FGGY: variants seen among roughly 807,000 people sequenced by gnomAD.
The protein encoded by FGGY is FGGY carbohydrate kinase domain-containing protein.
FGGY carries 72 observed loss-of-function variants against 71.3 expected under a neutral mutation model. The ratio of observed to expected loss-of-function variants is 1.01; its 90% confidence interval spans 0.84 to 1.23. FGGY has a LOEUF of 1.23. Ranked by LOEUF, FGGY falls within the 50% of genes most tolerant of loss-of-function variation. The pLI, the probability that FGGY is intolerant of heterozygous loss-of-function variation, is 0.00. For synonymous variants in FGGY, 251 were observed against 250.3 expected, an observed-to-expected ratio of 1.00 and a Z score of -0.02; for missense variants, 668 against 682.3, an observed-to-expected ratio of 0.98 and a Z score of 0.23.
At chr1:59,560,768 T>C (rs1430365814) in intron 8 of FGGY, among the ~76,000 whole-genome samples, 1 of 152,098 alleles carries the variant, frequency 6.6e-6, no homozygotes, top group Non-Finnish European at 1.5e-5. Flanking sequence ...TGGTAACTAC[T>C]ATAGTTAATG....
chr1:59,550,979 TA>T (rs1425882518), intron 7 of FGGY, among the ~76,000 whole-genome samples: 3 of 152,150 alleles, frequency 2.0e-5, no homozygotes, highest in African/African-American at 7.2e-5. Context: ...TTGCAAAGAT[TA>T]AATGAGAGAA....
chr1:59,296,546 C>T (rs942214727), upstream of FGGY: 2 of 152,500 alleles, frequency 1.3e-5, no homozygotes, highest in African/African-American at 4.8e-5. Context: ...CTTGCCCAGC[C>T]CTGCCCGCGG....
At chr1:59,542,061 C>T (rs1290863856) in intron 7 of FGGY, among the ~76,000 whole-genome samples, 2 of 152,186 alleles carry the variant, frequency 1.3e-5, no homozygotes, top group Admixed American at 1.3e-4. Context: ...TGAGAGTCAG[C>T]AGCCACAGCC....
chr1:59,482,128 G>A (rs1025574397), intron 6 of FGGY, among the ~76,000 whole-genome samples: 4 of 152,102 alleles, frequency 2.6e-5, no homozygotes, highest in African/African-American at 9.7e-5. Flanking sequence ...GGTATACTAA[G>A]CTATTCTGAA....
intron 11 of FGGY, among the ~76,000 whole-genome samples, chr1:59,647,945 G>C (rs1487357126): frequency 7.6e-5 from 7 of 92,144 alleles, no homozygotes; most frequent in Admixed American, 6.4e-4. Context: ...TCCCCTTCCT[G>C]TGTCCATGTG....
intron 6 of FGGY, among the ~76,000 whole-genome samples, chr1:59,481,807 A>G (rs995455543): frequency 1.3e-5 from 2 of 152,136 alleles, no homozygotes; most frequent in East Asian, 3.9e-4. Context: ...TAAGACAGAG[A>G]CTTTCTAAGG....
At chr1:59,735,142 C>T (rs1254963765) in intron 14 of FGGY, among the ~76,000 whole-genome samples, 4 of 152,098 alleles carry the variant, frequency 2.6e-5, no homozygotes, top group Non-Finnish European at 4.4e-5. Flanking sequence ...CACAGTGATT[C>T]GAGAACGTTC....
At chr1:59,459,571 T>TA in intron 6 of FGGY, among the ~76,000 whole-genome samples, 1 of 152,342 alleles carries the variant, frequency 6.6e-6, no homozygotes, top group Non-Finnish European at 1.5e-5. Flanking sequence ...GACAAAATGA[T>TA]CTGTGTTCAA....
At chr1:59,677,964 T>C (rs1442540576) in intron 14 of FGGY, among the ~76,000 whole-genome samples, 1 of 152,164 alleles carries the variant, frequency 6.6e-6, no homozygotes, top group African/African-American at 2.4e-5. Context: ...GATACTGACA[T>C]AGCCATTCGT....
intron 7 of FGGY, among the ~76,000 whole-genome samples, chr1:59,537,596 A>G (rs1435000957): frequency 2.6e-5 from 4 of 152,238 alleles, no homozygotes; most frequent in African/African-American, 9.6e-5. Context: ...ACTTCAAGCT[A>G]TACTACAAGG....
intron 1 of FGGY, among the ~76,000 whole-genome samples, chr1:59,303,174 A>G (rs1025267161): frequency 2.0e-5 from 3 of 152,248 alleles, no homozygotes; most frequent in African/African-American, 4.8e-5. Flanking sequence ...TTAAGTATAC[A>G]GTAAATTATC....
chr1:59,502,882 G>C (rs982338280), intron 6 of FGGY, among the ~76,000 whole-genome samples: 2 of 152,224 alleles, frequency 1.3e-5, no homozygotes, highest in African/African-American at 4.8e-5. Context: ...TCAGAGGAGA[G>C]GACTGGAAGA....
intron 8 of FGGY, among the ~76,000 whole-genome samples, chr1:59,604,144 C>A (rs1481389397): frequency 6.6e-6 from 1 of 152,198 alleles, no homozygotes; most frequent in Non-Finnish European, 1.5e-5. Context: ...TGCATGGACA[C>A]CTGTCATCAA....
chr1:59,699,165 G>A lies in FGGY; in HGVS notation c.1512+25032G>A, dbSNP rs565582565. 6.1e-6 allele frequency: 6 copies of A among 985,332 alleles called. 1 individual carries two copies. The Admixed American group carries it at 2.5e-4, about 40-fold the overall frequency. 61.0% of individuals were successfully genotyped at this position (985,332 alleles called of 1,614,324 possible). On this transcript the variant is annotated intron_variant, in intron 14 of 15. Transcript: ENST00000303721. ...ATACCACAAACTTTTAGTATCGTGA[G>A]CTTCAGCTGAGTCCCTCAGTGTAAA...
chr1:59,635,128 A>G (rs2096944142), intron 10 of FGGY, among the ~76,000 whole-genome samples: 1 of 152,210 alleles, frequency 6.6e-6, no homozygotes, highest in Non-Finnish European at 1.5e-5. Flanking sequence ...TCAGAACCAA[A>G]AAAGGCATCA....
rs1363111885 is a variant in FGGY at position 59,346,345 on chromosome 1, G to C, written c.412G>C (p.Gly138Arg). Reference sequence around the variant, plus strand: ...CAAGCACAGTGTCCTCCAGTACGTCGGGGGGGTGATGTCTGTGGAAATGCA... The same window carrying C: ...CAAGCACAGTGTCCTCCAGTACGTCCGGGGGGTGATGTCTGTGGAAATGCA... ...ETKHSVLQYV[G>R]GVMSVEMQAP... Residue 138 changes from glycine to arginine, a missense_variant, in exon 4 of 16, where the codon GGG (glycine) becomes CGG (arginine). By Grantham distance (125) the Gly-to-Arg change is moderately radical (BLOSUM62 -2). Coordinates refer to ENST00000303721, the MANE Select transcript of FGGY (RefSeq NM_018291.5). The C allele has an allele frequency of 6.2e-7, 1 of 1,609,992 alleles. No individual in the cohort carries two copies. Among genetic ancestry groups the C allele is most frequent in the South Asian group, 1.1e-5 (1 of 90,868 alleles).
intron 6 of FGGY, among the ~76,000 whole-genome samples, chr1:59,501,367 T>A (rs1440942331): frequency 6.6e-6 from 1 of 152,156 alleles, no homozygotes; most frequent in Non-Finnish European, 1.5e-5. Flanking sequence ...GGATAAAAAA[T>A]TGAGAAACCT....
At chr1:59,697,019 A>G (rs10749718) in intron 14 of FGGY, among the ~76,000 whole-genome samples, 125,855 of 151,914 alleles carry the variant, frequency 0.83, 52,465 homozygotes, top group Non-Finnish European at 0.88. Context: ...CTCCAGATGT[A>G]CTGCTTTCCA....
intron 8 of FGGY, among the ~76,000 whole-genome samples, chr1:59,594,166 A>G (rs1571856528): frequency 1.3e-5 from 2 of 152,104 alleles, no homozygotes; most frequent in South Asian, 4.1e-4. Context: ...TTCCACCTGC[A>G]CCTGCTGCGT....
Sources: allele counts gnomAD v4.1 joint callset (sites outside exome capture counted in the v4.1 genomes callset), GRCh38; gene constraint gnomAD v4.1.1; transcripts MANE v1.5; gene names NCBI Gene and HGNC (gene_info 2026-07-23, HGNC 2026-07-21).